The following USP50 variants were observed in gnomAD, a reference collection of about 807,000 sequenced individuals.
USP50 encodes the protein ubiquitin specific peptidase 50, also known as ubiquitin carboxyl-terminal hydrolase 50.
A neutral mutation model predicts 39.2 loss-of-function variants in USP50; 37 were observed. That is an observed-to-expected ratio of 0.94 (90% CI 0.73 to 1.24). USP50 has a LOEUF of 1.24. Among genes scored for constraint, USP50 ranks in the 50% most tolerant of loss-of-function variants. USP50 has a pLI of 0.00. For missense variants in USP50, 374 were observed against 398.2 expected, an observed-to-expected ratio of 0.94 and a Z score of 0.52; for synonymous variants, 139 against 144.5, an observed-to-expected ratio of 0.96 and a Z score of 0.27.
At chr15:50,500,960 A>G (rs2052574446) in intron 6 of USP50, 123 bp from the exon 7 acceptor site, 1 of 839,254 alleles carries the variant, frequency 1.2e-6, no homozygotes, top group Non-Finnish European at 1.9e-6. Flanking sequence ...AGGAAGTGAT[A>G]ATTTTGTTGT....
chr15:50,496,164 T>G (rs1365620432), downstream of USP50: 5 of 1,173,572 alleles, frequency 4.3e-6, no homozygotes. Context: ...AAATTTCTGG[T>G]CTTTACCCTT....
At chr15:50,542,576 C>T (rs1473162365) in intron 3 of USP50, among the ~76,000 whole-genome samples, 3 of 150,056 alleles carry the variant, frequency 2.0e-5, no homozygotes, top group Non-Finnish European at 4.4e-5. Context: ...GCAACCTCCG[C>T]CTCCTGAGTT....
chr15:50,528,061 C>T (rs1466293168), intron 6 of USP50, among the ~76,000 whole-genome samples: 1 of 100,470 alleles, frequency 1.0e-5, no homozygotes, highest in Non-Finnish European at 1.9e-5. Context: ...ACTAAAAGAA[C>T]TAAGTTTTTT....
At chr15:50,541,317 A>G in intron 3 of USP50, 53 bp from the exon 4 acceptor site, 1 of 1,501,700 alleles carries the variant, frequency 6.7e-7, no homozygotes, top group Non-Finnish European at 9.2e-7. Context: ...TTTAAAAAAG[A>G]CTGTGGCAAC....
downstream of USP50, chr15:50,493,731 G>A: frequency 5.2e-6 from 2 of 388,024 alleles, no homozygotes; most frequent in Non-Finnish European, 9.9e-6. Flanking sequence ...CTGGGTGACA[G>A]AATGAGACCC....
At chr15:50,531,476 C>T (rs773109719) in intron 5 of USP50, among the ~76,000 whole-genome samples, 25 of 152,074 alleles carry the variant, frequency 1.6e-4, no homozygotes, top group Non-Finnish European at 3.1e-4. Flanking sequence ...TGACATAGCA[C>T]GTTCTGGAAA....
rs368013909 is a variant in USP50, at chr15:50,544,678, A to G, written c.157T>C (p.Cys53Arg). Residue 53 changes from cysteine (C) to arginine (R), a missense_variant, in exon 2 of 7, where the codon TGC becomes CGC. Transcript: ENST00000532404. ...VTGLWNLGNT[C>R]CVNAISQCLC... ...CACTGTGAGATGGCATTCACGCAGCATGTGTTGCCCAAGTTCCACAAGCCA... is the reference window on the plus strand; with the variant it reads ...CACTGTGAGATGGCATTCACGCAGCGTGTGTTGCCCAAGTTCCACAAGCCA... 1.2e-6 allele frequency: 2 copies of G among 1,613,956 alleles called. No homozygotes were observed. The highest frequency in any genetic ancestry group is 2.2e-5 in the South Asian group (2 of 91,070).
chr15:50,525,594 ATATATG>A (rs1207975628), intron 6 of USP50, among the ~76,000 whole-genome samples: 17 of 140,544 alleles, frequency 1.2e-4, no homozygotes, highest in Admixed American at 2.2e-4. Context: ...ATGTATATGT[ATATATG>A]TATATGTATA....
Position 50,543,598 on chromosome 15 carries a change from C to T in USP50, c.444G>A (p.Lys148=), listed in dbSNP as rs559868853. Residue 148 remains lysine, a splice_region_variant and synonymous_variant, in exon 3 of 7, where the codon AAG becomes AAA. Transcript: ENST00000532404. The part of the protein sequence containing the change: ...VLNELHEALK[K]YHYSRRRSYE... ...TTTCAAGGTCATTAACTCTACTTAC[C>T]TTTTTTAGAGCTTCATGAAGTTCAT... is the stretch of plus-strand genomic sequence containing the variant. 6.2e-7 allele frequency: 1 copy of T among 1,611,844 alleles called. No individual in the cohort carries two copies. Among genetic ancestry groups the T allele is most frequent in the Admixed American group, 1.7e-5 (1 of 59,690 alleles).
intron 1 of USP50, among the ~76,000 whole-genome samples, chr15:50,495,359 T>TAG (rs1016362419): frequency 5.7e-5 from 6 of 104,872 alleles, no homozygotes; most frequent in African/African-American, 2.7e-4. Flanking sequence ...TATACATATA[T>TAG]AGAGAGAGAG....
chr15:50,497,040 A>T (rs751659469), downstream of USP50: 1 of 1,560,308 alleles, frequency 6.4e-7, no homozygotes, highest in Non-Finnish European at 8.6e-7. Context: ...CTCTGACATT[A>T]TTGAAGAATC....
intron 6 of USP50, among the ~76,000 whole-genome samples, chr15:50,529,073 CT>C (rs1410028897): frequency 6.6e-6 from 1 of 152,088 alleles, no homozygotes; most frequent in East Asian, 1.9e-4. Context: ...TTCAGGAAAT[CT>C]TTATTGATCA....
intron 6 of USP50, chr15:50,503,050 T>TA (rs1216696877): frequency 6.6e-6 from 1 of 152,186 alleles, no homozygotes; most frequent in Non-Finnish European, 1.5e-5. Flanking sequence ...AATTCACATT[T>TA]AAAAGATCAA....
intron 1 of USP50, 42 bp downstream of exon 1, chr15:50,546,431 C>A: frequency 6.2e-7 from 1 of 1,609,272 alleles, no homozygotes; most frequent in South Asian, 1.1e-5. Flanking sequence ...GACTTTCCCA[C>A]CACTGGGCTA....
Position 50,521,370 on chromosome 15 carries a change from T to A in USP50, c.936+8427A>T, listed in dbSNP as rs145191705. On this transcript the variant is annotated intron_variant, in intron 6 of 6. Transcript: ENST00000532404. Reference sequence around the variant, plus strand: ...ATATCCCAATTTGATCAGTACATATTGTATACATGTATCAAAATACCACAT... The same window carrying A: ...ATATCCCAATTTGATCAGTACATATAGTATACATGTATCAAAATACCACAT... Among the ~76,000 whole-genome samples, 297 of 152,258 alleles carry A rather than the reference T, an allele frequency of 2.0e-3. 2 individuals are homozygous for A. Among genetic ancestry groups the A allele is most frequent in the African/African-American group, 6.8e-3 (281 of 41,558 alleles).
intron 5 of USP50, among the ~76,000 whole-genome samples, chr15:50,534,507 C>T (rs1006464837): frequency 1.3e-5 from 2 of 152,224 alleles, no homozygotes; most frequent in South Asian, 2.1e-4. Context: ...TTTAACCCAA[C>T]GGCATCAACA....
chr15:50,525,594 A>G (rs867313746), intron 6 of USP50, among the ~76,000 whole-genome samples: 10 of 140,536 alleles, frequency 7.1e-5, no homozygotes, highest in East Asian at 6.0e-4. Context: ...ATGTATATGT[A>G]TATATGTATA....
At chr15:50,533,838 C>T (rs535243618) in intron 5 of USP50, among the ~76,000 whole-genome samples, 34 of 152,014 alleles carry the variant, frequency 2.2e-4, no homozygotes, top group African/African-American at 8.0e-4. Context: ...CCGTCTCTAC[C>T]AAAAATACAA....
rs11292495 is a variant in USP50 at position 50,542,481 on chromosome 15, ATTTTTTT to A, written c.444+1110_444+1116del. On this transcript the variant is annotated intron_variant, in intron 3 of 6. Transcript: ENST00000532404. ...GTTTTTGTTTTTTTTTTTCCTTTTCATTTTTTTTTTTTTTTTTTTTTCTTGGAGACGG... is the reference window on the plus strand; with the variant it reads ...GTTTTTGTTTTTTTTTTTCCTTTTCATTTTTTTTTTTTTTCTTGGAGACGG... Among the ~76,000 whole-genome samples the A allele has an allele frequency of 2.4e-3, 231 of 97,386 alleles. 1 individual carries two copies. Among genetic ancestry groups the A allele is most frequent in the African/African-American group, 8.8e-3 (220 of 25,096 alleles). 63.9% of individuals were successfully genotyped at this position (97,386 alleles called of 152,430 possible).
Sources: allele counts gnomAD v4.1 joint callset (sites outside exome capture counted in the v4.1 genomes callset), GRCh38; gene constraint gnomAD v4.1.1; transcripts MANE v1.5; gene names NCBI Gene and HGNC (gene_info 2026-07-23, HGNC 2026-07-21).